MED13L: variants seen among roughly 807,000 people sequenced by gnomAD.
The protein encoded by MED13L is mediator complex subunit 13L, also known as mediator of RNA polymerase II transcription subunit 13-like.
A neutral mutation model predicts 220.9 loss-of-function variants in MED13L; 7 were observed. That is an observed-to-expected ratio of 0.03 (90% CI 0.02 to 0.06). The LOEUF (loss-of-function observed/expected upper bound fraction) is 0.06, where lower values mean the gene tolerates loss of function less well. Ranked by LOEUF, MED13L falls within the 10% of genes least tolerant of loss-of-function variation. The probability of loss-of-function intolerance (pLI) is 1.00; values close to 1 mark genes in which losing one functional copy is unlikely to be tolerated. For missense variants in MED13L, 1,965 were observed against 2,760.5 expected (o/e 0.71, Z 6.46); for synonymous variants, 1,011 against 1,015.2 (o/e 1.00, Z 0.08).
At position 116,106,315 on chromosome 12, in the gene MED13L, A is replaced by G. The variant is rs149961334; in HGVS notation, c.395+5113T>C. Reference sequence around the variant, plus strand: ...AATTCAATATTATATATTAAGAACCACAAACAAAGAACGAAAAATGCAGGA... The same window carrying G: ...AATTCAATATTATATATTAAGAACCGCAAACAAAGAACGAAAAATGCAGGA... On this transcript the variant is annotated intron_variant, in intron 3 of 30. Coordinates refer to ENST00000281928, the MANE Select transcript of MED13L (RefSeq NM_015335.5). Among the ~76,000 whole-genome samples the G allele has an allele frequency of 7.7e-4, 117 of 152,276 alleles. 1 individual carries two copies. The highest frequency in any genetic ancestry group is 2.6e-3 in the African/African-American group (110 of 41,568).
chr12:116,062,234 C>T (rs1001136709), intron 4 of MED13L, among the ~76,000 whole-genome samples: 1 of 151,786 alleles, frequency 6.6e-6, no homozygotes, highest in Admixed American at 6.6e-5. Context: ...CTCACTGCAA[C>T]CTCCACCTCC....
chr12:115,996,519 G>A lies in MED13L; in HGVS notation c.2953C>T (p.Leu985=). Residue 985 remains leucine (L), a synonymous_variant, in exon 16 of 31, where the codon CTG becomes TTG. Coordinates refer to ENST00000281928, the MANE Select transcript of MED13L (RefSeq NM_015335.5). ...AAAGTGGCTGCAGGGGGCATGGGCA[G>A]TTGTTCAATTTTAGGAGGAATTGCC... ...SWAIPPKIEQ[L]PMPPAATFIR... 1 of 1,614,222 alleles carries A rather than the reference G, an allele frequency of 6.2e-7. No homozygotes were observed. Among genetic ancestry groups the A allele is most frequent in the Admixed American group, 1.7e-5 (1 of 60,028 alleles).
At chr12:116,134,143 C>T (rs1876319082) in intron 2 of MED13L, among the ~76,000 whole-genome samples, 1 of 152,138 alleles carries the variant, frequency 6.6e-6, no homozygotes, top group African/African-American at 2.4e-5. Flanking sequence ...GATATACATC[C>T]AGTGCAACCA....
rs773689436 is a variant in MED13L, at chr12:116,203,561, T to C, written c.310+33907A>G. On this transcript the variant is annotated intron_variant, in intron 2 of 30. Coordinates refer to ENST00000281928, the MANE Select transcript of MED13L (RefSeq NM_015335.5). The stretch of plus-strand genomic sequence containing the variant: ...GAGGCTGGGCGCAGTGGCTCACACC[T>C]GTAATCCAAGCACTTTGGGAGACCG... Among the ~76,000 whole-genome samples the C allele has an allele frequency of 5.3e-5, 8 of 152,180 alleles. No individual in the cohort carries two copies. In the South Asian group the frequency reaches 1.2e-3, roughly 24 times the overall value.
chr12:116,160,477 C>G (rs548539319), intron 2 of MED13L, among the ~76,000 whole-genome samples: 1 of 152,088 alleles, frequency 6.6e-6, no homozygotes, highest in East Asian at 1.9e-4. Context: ...GGATCTGCCT[C>G]TACTATGGAA....
At chr12:116,185,087 C>A (rs1880788383) in intron 2 of MED13L, among the ~76,000 whole-genome samples, 1 of 152,144 alleles carries the variant, frequency 6.6e-6, no homozygotes, top group South Asian at 2.1e-4. Context: ...CCAAGATGTA[C>A]ACCAAGAAAT....
At chr12:116,229,863 T>C (rs1344352470) in intron 2 of MED13L, among the ~76,000 whole-genome samples, 1 of 152,214 alleles carries the variant, frequency 6.6e-6, no homozygotes, top group East Asian at 1.9e-4. Flanking sequence ...TACTACTTTA[T>C]AGCTTTGGCA....
intron 2 of MED13L, among the ~76,000 whole-genome samples, chr12:116,160,903 C>A (rs893033488): frequency 2.0e-5 from 3 of 152,030 alleles, no homozygotes; most frequent in African/African-American, 7.2e-5. Flanking sequence ...GCTAAAGCCT[C>A]CAGTATAAAT....
chr12:116,064,283 T>C (rs1222095670), intron 4 of MED13L, among the ~76,000 whole-genome samples: 2 of 152,134 alleles, frequency 1.3e-5, no homozygotes, highest in African/African-American at 4.8e-5. Context: ...ACAATGTAGA[T>C]GCTATGTAAA....
rs991727766 is a variant in MED13L at position 116,238,834 on chromosome 12, C to T, written c.73-1129G>A. On this transcript the variant is annotated intron_variant, in intron 1 of 30. Coordinates refer to ENST00000281928, the MANE Select transcript of MED13L (RefSeq NM_015335.5). Reference sequence around the variant, plus strand: ...GCTTCAGGCTGAGCACGGTGGTTCACGCCTGTAATCCCAGCACTTTGGGAG... The same window carrying T: ...GCTTCAGGCTGAGCACGGTGGTTCATGCCTGTAATCCCAGCACTTTGGGAG... 4.6e-5 allele frequency among the ~76,000 whole-genome samples: 7 copies of T among 152,186 alleles called. No individual in the cohort carries two copies. The East Asian group carries it at 5.8e-4, about 13-fold the overall frequency.
At chr12:116,147,916 G>A (rs922019378) in intron 2 of MED13L, among the ~76,000 whole-genome samples, 11 of 151,048 alleles carry the variant, frequency 7.3e-5, no homozygotes, top group East Asian at 3.9e-4. Context: ...GCTTGGTGGC[G>A]TGCACCTGTA....
chr12:116,118,031 A>AT (rs1479644240), intron 2 of MED13L, among the ~76,000 whole-genome samples: 2 of 152,106 alleles, frequency 1.3e-5, no homozygotes, highest in East Asian at 3.9e-4. Context: ...CTGCTCTTGA[A>AT]TCCCTGAGCT....
At chr12:115,988,583 G>C (rs1877854948) in intron 17 of MED13L, among the ~76,000 whole-genome samples, 2 of 152,196 alleles carry the variant, frequency 1.3e-5, no homozygotes, top group South Asian at 4.1e-4. Context: ...GAGAACCACA[G>C]ATTTGAGGAA....
chr12:116,194,595 A>G (rs1297769923), intron 2 of MED13L, among the ~76,000 whole-genome samples: 2 of 152,228 alleles, frequency 1.3e-5, no homozygotes, highest in African/African-American at 4.8e-5. Flanking sequence ...TCACGAAAAT[A>G]TTAAGCCCAC....
intron 1 of MED13L, among the ~76,000 whole-genome samples, chr12:116,247,428 T>G (rs756446720): frequency 2.0e-4 from 31 of 152,212 alleles, no homozygotes; most frequent in South Asian, 4.1e-4. Context: ...AAATAACGTG[T>G]TGTTGTTGAC....
At chr12:116,062,729 G>C (rs1185403546) in intron 4 of MED13L, among the ~76,000 whole-genome samples, 1 of 151,920 alleles carries the variant, frequency 6.6e-6, no homozygotes, top group Non-Finnish European at 1.5e-5. Flanking sequence ...CCTGTGATCC[G>C]ACCAACTCAC....
At chr12:116,199,813 A>T (rs969310453) in intron 2 of MED13L, among the ~76,000 whole-genome samples, 1 of 152,190 alleles carries the variant, frequency 6.6e-6, no homozygotes, top group Non-Finnish European at 1.5e-5. Context: ...TACTTCCAAC[A>T]TTTAAGAAGC....
Position 115,986,391 on chromosome 12 carries a change from C to G in MED13L, c.4213G>C (p.Glu1405Gln). 1 of 1,614,126 alleles carries G rather than the reference C, an allele frequency of 6.2e-7. No homozygotes were observed. Among genetic ancestry groups the G allele is most frequent in the Non-Finnish European group, 8.5e-7 (1 of 1,180,002 alleles). ...CCATATGGGTCCAACAAGAGCCTCT[C>G]CCAAAACGGCAAGGAGAATGGCGAG... The part of the protein sequence containing the change: ...TISPFSLPFW[E>Q]RLLLDPYGGH... The change falls in exon 19 of 31, where the codon GAG becomes CAG. Residue 1405 changes from glutamate to glutamine, a missense_variant. This residue lies in a region of MED13L where 510 missense variants were observed against 620.4 expected (regional missense o/e 0.82). Transcript: ENST00000281928.
Position 116,098,736 on chromosome 12 carries a change from C to T in MED13L, c.396-1984G>A, listed in dbSNP as rs943265019. On this transcript the variant is annotated intron_variant, in intron 3 of 30. Transcript: ENST00000281928. The stretch of plus-strand genomic sequence containing the variant: ...TGTTCACAATGAAGAAAATCATTTT[C>T]AGCGTAACCAAATCTCTTTTCCTAA... 3.3e-5 allele frequency among the ~76,000 whole-genome samples: 5 copies of T among 152,106 alleles called. No individual in the cohort carries two copies. The South Asian group carries it at 8.3e-4, about 25-fold the overall frequency.
Sources: gnomAD v4.1 joint callset for allele counts (sites outside exome capture counted in the v4.1 genomes callset) on GRCh38, gnomAD v4.1.1 for gene constraint, gnomAD v4.1.1 regional missense constraint, MANE v1.5 for transcripts, NCBI Gene and HGNC (gene_info 2026-07-23, HGNC 2026-07-21) for gene names.